UBE2H: variants seen among roughly 807,000 people sequenced by gnomAD.
UBE2H encodes ubiquitin-conjugating enzyme E2 H.
UBE2H carries 3 observed loss-of-function variants against 29.0 expected under a neutral mutation model. The observed-to-expected ratio is 0.10, with a 90% CI of 0.05 to 0.27. The LOEUF (loss-of-function observed/expected upper bound fraction) is 0.27, where lower values mean the gene tolerates loss of function less well. Ranked by LOEUF, UBE2H falls within the 10% of genes least tolerant of loss-of-function variation. The pLI, the probability that UBE2H is intolerant of heterozygous loss-of-function variation, is 1.00. For missense variants in UBE2H, 68 were observed against 228.2 expected (o/e 0.30, Z 4.52); for synonymous variants, 69 against 82.9 (o/e 0.83, Z 0.91).
intron 3 of UBE2H, among the ~76,000 whole-genome samples, chr7:129,871,988 A>G (rs531986164): frequency 1.2e-4 from 18 of 152,092 alleles, no homozygotes; most frequent in Non-Finnish European, 2.1e-4. Flanking sequence ...CTGGGATTAC[A>G]GGCACGCGCC....
intron 1 of UBE2H, among the ~76,000 whole-genome samples, chr7:129,883,891 T>G (rs940502783): frequency 6.6e-6 from 1 of 151,992 alleles, no homozygotes; most frequent in African/African-American, 2.4e-5. Context: ...ATACACATAA[T>G]GTATGGGTTT....
At chr7:129,854,497 CAGT>C (rs1314660685) in intron 5 of UBE2H, among the ~76,000 whole-genome samples, 4 of 152,162 alleles carry the variant, frequency 2.6e-5, no homozygotes, top group Admixed American at 6.5e-5. Context: ...GGAACATGTT[CAGT>C]AACTCATACA....
intron 1 of UBE2H, among the ~76,000 whole-genome samples, chr7:129,928,013 C>T (rs968638945): frequency 1.5e-5 from 2 of 137,848 alleles, no homozygotes; most frequent in African/African-American, 5.3e-5. Context: ...TGGCGAAATA[C>T]CATCTCAAAA....
intron 1 of UBE2H, among the ~76,000 whole-genome samples, chr7:129,918,203 A>G (rs770436492): frequency 6.6e-5 from 10 of 152,204 alleles, no homozygotes; most frequent in Admixed American, 2.0e-4. Flanking sequence ...ACCTTTATAT[A>G]TACATGCACG....
At chr7:129,948,950 G>A (rs1489626397) in intron 1 of UBE2H, 1 of 455,944 alleles carries the variant, frequency 2.2e-6, no homozygotes, top group Non-Finnish European at 4.4e-6. Flanking sequence ...ACACTCTCTT[G>A]TCACATACTC....
In UBE2H at chr7:129,874,796, T is replaced by C. The variant is rs1264411026; in HGVS notation, c.205+4772A>G. On this transcript the variant is annotated intron_variant, in intron 3 of 6. Coordinates refer to ENST00000355621, the MANE Select transcript of UBE2H (RefSeq NM_003344.4). ...AGAAAAAGGTGAGAAGTACTTGAGG[T>C]AACCACCCAAGAGAAGAGAAAAAGG... Among the ~76,000 whole-genome samples the C allele has an allele frequency of 2.6e-5, 4 of 151,786 alleles. No homozygotes were observed. In the East Asian group the frequency reaches 7.7e-4, roughly 29 times the overall value.
At chr7:129,853,818 T>C (rs201473341) in intron 5 of UBE2H, among the ~76,000 whole-genome samples, 1 of 152,174 alleles carries the variant, frequency 6.6e-6, no homozygotes, top group Non-Finnish European at 1.5e-5. Context: ...ATGATTAACA[T>C]ACATCTGAAA....
chr7:129,844,817 A>C (rs1166181744), intron 5 of UBE2H, among the ~76,000 whole-genome samples: 1 of 152,174 alleles, frequency 6.6e-6, no homozygotes, highest in African/African-American at 2.4e-5. Context: ...TAGGCATATA[A>C]TTTATATTCA....
intron 3 of UBE2H, among the ~76,000 whole-genome samples, chr7:129,869,807 G>A (rs1805991686): frequency 6.6e-6 from 1 of 152,128 alleles, no homozygotes; most frequent in African/African-American, 2.4e-5. Flanking sequence ...GAGCTGGCAG[G>A]GAGGAGAGAC....
At chr7:129,854,652 C>T (rs893605434) in intron 5 of UBE2H, among the ~76,000 whole-genome samples, 3 of 152,184 alleles carry the variant, frequency 2.0e-5, no homozygotes, top group Non-Finnish European at 4.4e-5. Flanking sequence ...GGCCACTTTA[C>T]AAAGTAGTCT....
At chr7:129,892,213 T>G (rs1806509267) in intron 1 of UBE2H, among the ~76,000 whole-genome samples, 1 of 152,052 alleles carries the variant, frequency 6.6e-6, no homozygotes, top group Non-Finnish European at 1.5e-5. Context: ...CCTCCCAAAA[T>G]GCTGGGATTA....
chr7:129,952,311 G>A (rs1192930950), intron 1 of UBE2H, among the ~76,000 whole-genome samples, 192 bp downstream of exon 1: 1 of 152,154 alleles, frequency 6.6e-6, no homozygotes, highest in Admixed American at 6.5e-5. Context: ...GGGTGCTGCG[G>A]AGAAAAGGCG....
In UBE2H at chr7:129,839,292, G is replaced by A; in HGVS notation, c.342C>T (p.Ala114=). The change falls in exon 6 of 7, where the codon GCC becomes GCT. Residue 114 remains alanine (A), a synonymous_variant. Coordinates refer to ENST00000355621, the MANE Select transcript of UBE2H (RefSeq NM_003344.4). ...TGAGAGGATCTATGGGGTTAGGATA[G>A]GCCAATAACTGAGGCAGGAAGGACT... ...IFESFLPQLL[A]YPNPIDPLNG... 6.2e-7 allele frequency: 1 copy of A among 1,613,796 alleles called. No individual in the cohort carries two copies. Among genetic ancestry groups the A allele is most frequent in the South Asian group, 1.1e-5 (1 of 91,042 alleles).
chr7:129,902,215 A>G (rs776466444), intron 1 of UBE2H, among the ~76,000 whole-genome samples: 1 of 152,036 alleles, frequency 6.6e-6, no homozygotes, highest in African/African-American at 2.4e-5. Context: ...AAACCATTAC[A>G]TGGCCGGGCA....
At chr7:129,888,539 A>C (rs575113830) in intron 1 of UBE2H, among the ~76,000 whole-genome samples, 44 of 152,014 alleles carry the variant, frequency 2.9e-4, no homozygotes, top group African/African-American at 9.9e-4. Flanking sequence ...CAGTGGCCTG[A>C]TCTCAGCTCA....
intron 5 of UBE2H, among the ~76,000 whole-genome samples, chr7:129,849,241 A>C (rs1341274373): frequency 1.3e-5 from 2 of 152,226 alleles, no homozygotes; most frequent in Non-Finnish European, 1.5e-5. Flanking sequence ...GGCAGGCAGA[A>C]TTCAAAGAAA....
intron 5 of UBE2H, chr7:129,856,978 A>AT (rs1584747280): frequency 6.6e-6 from 1 of 152,420 alleles, no homozygotes; most frequent in African/African-American, 2.4e-5. Context: ...TCAGCATAGC[A>AT]TTTTGCAGAG....
chr7:129,867,718 G>GA (rs1308277089), intron 3 of UBE2H, among the ~76,000 whole-genome samples: 1,474 of 19,478 alleles, frequency 0.076, 110 homozygotes, highest in African/African-American at 0.15. Flanking sequence ...AAAAAAAAAA[G>GA]AAAACCAAAA....
At chr7:129,835,169 C>T in intron 6 of UBE2H, 108 bp from the exon 7 acceptor site, 1 of 1,451,904 alleles carries the variant, frequency 6.9e-7, no homozygotes, top group Non-Finnish European at 9.4e-7. Flanking sequence ...ACCTTGAACA[C>T]CAGGGGGGAC....
Sources: allele counts gnomAD v4.1 joint callset (sites outside exome capture counted in the v4.1 genomes callset), GRCh38; gene constraint gnomAD v4.1.1; transcripts MANE v1.5; gene names NCBI Gene and HGNC (gene_info 2026-07-23, HGNC 2026-07-21).